Variants in POFUT3 observed in about 807,000 individuals in gnomAD.
POFUT3 encodes protein O-fucosyltransferase 3, also known as GDP-fucose protein O-fucosyltransferase 3.
At chr8:33,456,445 C>A in the POFUT3 span, among the ~76,000 whole-genome samples, 1 of 152,078 alleles carries the variant, frequency 6.6e-6, no homozygotes, top group Non-Finnish European at 1.5e-5. Context: ...GCAGCCTCCT[C>A]TTCCCGAGTT....
At chr8:33,379,539 T>C in the POFUT3 span, among the ~76,000 whole-genome samples, 1 of 152,078 alleles carries the variant, frequency 6.6e-6, no homozygotes, top group Non-Finnish European at 1.5e-5. Flanking sequence ...ATTAGTATGT[T>C]AAAGAATATA....
At chr8:33,342,105 G>A in the POFUT3 span, among the ~76,000 whole-genome samples, 32 of 152,142 alleles carry the variant, frequency 2.1e-4, no homozygotes, top group Admixed American at 8.5e-4. Flanking sequence ...GCTTGAACCC[G>A]GGAGGTGGAG....
chr8:33,424,071 G>T, the POFUT3 span, among the ~76,000 whole-genome samples: 6 of 151,526 alleles, frequency 4.0e-5, no homozygotes, highest in Non-Finnish European at 8.8e-5. Context: ...CCCAGGAGGC[G>T]GAGGTTGCAG....
chr8:33,385,712 T>C, the POFUT3 span, among the ~76,000 whole-genome samples: 2 of 149,942 alleles, frequency 1.3e-5, no homozygotes, highest in Non-Finnish European at 3.0e-5. Context: ...TGAAACCCCA[T>C]CTGTACTAAA....
chr8:33,372,721 C>A, the POFUT3 span: 1 of 1,614,050 alleles, frequency 6.2e-7, no homozygotes, highest in South Asian at 1.1e-5. Flanking sequence ...AAGGTGGAGT[C>A]CGGAGTGGTG....
the POFUT3 span, among the ~76,000 whole-genome samples, chr8:33,432,148 G>T: frequency 1.3e-5 from 2 of 151,918 alleles, no homozygotes; most frequent in Admixed American, 6.6e-5. Flanking sequence ...GGTGGCTCAC[G>T]CCTGTAATCC....
At chr8:33,431,248 A>G in the POFUT3 span, among the ~76,000 whole-genome samples, 1 of 152,048 alleles carries the variant, frequency 6.6e-6, no homozygotes, top group Non-Finnish European at 1.5e-5. Flanking sequence ...CCATGTGGCT[A>G]AAAGTATACC....
chr8:33,373,579 C>A, the POFUT3 span, among the ~76,000 whole-genome samples: 1 of 152,154 alleles, frequency 6.6e-6, no homozygotes, highest in African/African-American at 2.4e-5. Context: ...CACTCGGCAG[C>A]CCTTCTCATT....
chr8:33,400,529 G>A, the POFUT3 span, among the ~76,000 whole-genome samples: 3 of 151,816 alleles, frequency 2.0e-5, no homozygotes, highest in African/African-American at 4.8e-5. Flanking sequence ...GAAGGAATGC[G>A]GGATAAAGGA....
At chr8:33,428,079 G>A in the POFUT3 span, among the ~76,000 whole-genome samples, 4 of 151,894 alleles carry the variant, frequency 2.6e-5, no homozygotes, top group African/African-American at 9.7e-5. Flanking sequence ...AGCCAAGATC[G>A]CAACAGTGCA....
the POFUT3 span, chr8:33,436,413 G>A: frequency 7.0e-7 from 1 of 1,431,382 alleles, no homozygotes; most frequent in Middle Eastern, 1.8e-4. Context: ...CCTCAAACTT[G>A]GCTGGAAGCT....
chr8:33,319,665 T>A, the POFUT3 span, among the ~76,000 whole-genome samples: 2 of 3,714 alleles, frequency 5.4e-4, no homozygotes, highest in African/African-American at 1.2e-3. Context: ...ATATATATAT[T>A]TTATATATAT....
At chr8:33,399,799 G>A in the POFUT3 span, among the ~76,000 whole-genome samples, 82 of 151,920 alleles carry the variant, frequency 5.4e-4, 1 homozygote, top group African/African-American at 1.7e-3. Flanking sequence ...GACTACAGAC[G>A]TGCACCACCA....
the POFUT3 span, among the ~76,000 whole-genome samples, chr8:33,430,138 G>A: frequency 1.3e-5 from 2 of 151,982 alleles, no homozygotes; most frequent in African/African-American, 2.4e-5. Flanking sequence ...GAAAACCTAC[G>A]ACTTGTATGA....
the POFUT3 span, among the ~76,000 whole-genome samples, chr8:33,468,915 G>A: frequency 1.3e-5 from 2 of 152,168 alleles, no homozygotes; most frequent in Non-Finnish European, 2.9e-5. Context: ...GTAATTGGGA[G>A]TCAACTGGGT....
chr8:33,430,752 G>A, the POFUT3 span, among the ~76,000 whole-genome samples: 1 of 152,138 alleles, frequency 6.6e-6, no homozygotes, highest in Non-Finnish European at 1.5e-5. Flanking sequence ...GGGATTACAG[G>A]CATGCGCCAC....
At chr8:33,367,389 C>T in the POFUT3 span, among the ~76,000 whole-genome samples, 1 of 152,208 alleles carries the variant, frequency 6.6e-6, no homozygotes, top group East Asian at 1.9e-4. Context: ...CGGCCCATCC[C>T]TTCGTTTCCC....
At chr8:33,418,116 G>A in the POFUT3 span, among the ~76,000 whole-genome samples, 35 of 152,202 alleles carry the variant, frequency 2.3e-4, no homozygotes, top group South Asian at 4.1e-4. Context: ...CCAGCAGACT[G>A]CATCCTACAC....
chr8:33,468,251 AAAAAAAGAAGAAG>A, the POFUT3 span, among the ~76,000 whole-genome samples: 5 of 144,094 alleles, frequency 3.5e-5, no homozygotes, highest in African/African-American at 1.4e-4. Flanking sequence ...AAAAAAAAAA[AAAAAAAGAAGAAG>A]AAGAAGAAGA....
Sources: allele counts gnomAD v4.1 joint callset (sites outside exome capture counted in the v4.1 genomes callset), GRCh38; gene constraint gnomAD v4.1.1; transcripts MANE v1.5; gene names NCBI Gene and HGNC (gene_info 2026-07-23, HGNC 2026-07-21).